BMPR2: variants seen among roughly 807,000 people sequenced by gnomAD.
BMPR2 encodes bone morphogenetic protein receptor type 2.
BMPR2 carries 29 observed loss-of-function variants against 100.8 expected under a neutral mutation model. That is an observed-to-expected ratio of 0.29 (90% CI 0.21 to 0.39). The LOEUF is 0.39. Among genes scored for constraint, BMPR2 ranks in the 10% least tolerant of loss-of-function variants. BMPR2 has a pLI of 1.00. For missense variants in BMPR2, 1,011 were observed against 1,274.5 expected, an observed-to-expected ratio of 0.79 and a Z score of 3.15; for synonymous variants, 382 against 442.3, an observed-to-expected ratio of 0.86 and a Z score of 1.71.
intron 3 of BMPR2, among the ~76,000 whole-genome samples, chr2:202,471,844 G>C (rs1692444492): frequency 6.6e-6 from 1 of 151,926 alleles, no homozygotes; most frequent in Admixed American, 6.6e-5. Flanking sequence ...CATATTCTTA[G>C]GAAATAATCT....
Position 202,559,835 on chromosome 2 carries a change from T to G in BMPR2, c.3006T>G (p.Asn1002Lys). 6.2e-7 allele frequency: 1 copy of G among 1,614,084 alleles called. No individual in the cohort carries two copies. Among genetic ancestry groups the G allele is most frequent in the South Asian group, 1.1e-5 (1 of 91,074 alleles). Residue 1002 changes from asparagine to lysine, a missense_variant, in exon 13 of 13, where the codon AAT becomes AAG. By Grantham distance (94) the Asn-to-Lys change is moderately conservative. Coordinates refer to ENST00000374580, the MANE Select transcript of BMPR2 (RefSeq NM_001204.7). ...STESLDCEVN[N>K]NGSNRAVHSK... ...AATCGCTGGACTGTGAAGTCAACAA[T>G]AATGGCAGTAACAGGGCAGTTCATT...
In BMPR2 at chr2:202,559,233, CAG is replaced by C. The variant is rs1354610137; in HGVS notation, c.2867-460_2867-459del. 1.1e-4 allele frequency among the ~76,000 whole-genome samples: 17 copies of C among 150,650 alleles called. No individual in the cohort carries two copies. The East Asian group carries it at 2.9e-3, about 26-fold the overall frequency. On this transcript the variant is annotated intron_variant, in intron 12 of 12. Coordinates refer to ENST00000374580, the MANE Select transcript of BMPR2 (RefSeq NM_001204.7). ...GTGAGAATCACTTGAGCCCGGGAAA[CAG>C]AGGTTGCAGTGAGTCAAGATCATGC...
intron 1 of BMPR2, among the ~76,000 whole-genome samples, chr2:202,412,504 A>G (rs1344479944): frequency 1.3e-5 from 2 of 152,126 alleles, no homozygotes; most frequent in Non-Finnish European, 2.9e-5. Flanking sequence ...TATTTTTAGT[A>G]GAGATGGGGT....
Position 202,514,907 on chromosome 2 carries a change from T to C in BMPR2, c.549T>C (p.Leu183=), listed in dbSNP as rs142769493. ...RMLTGDRKQG[L]HSMNMMEAAA... is the part of the protein sequence containing the mutation. ...TTATAGGAGACCGTAAACAAGGTCT[T>C]CACAGTATGAACATGATGGAGGCAG... The change falls in exon 5 of 13, where the codon CTT becomes CTC. Residue 183 remains leucine, a synonymous_variant. Transcript: ENST00000374580. The C allele has an allele frequency of 4.8e-5, 77 of 1,613,966 alleles. No individual in the cohort carries two copies. In the African/African-American group the frequency reaches 9.7e-4, roughly 20 times the overall value.
chr2:202,548,099 C>T (rs1333392186), intron 10 of BMPR2, among the ~76,000 whole-genome samples: 8 of 151,022 alleles, frequency 5.3e-5, no homozygotes, highest in Admixed American at 6.6e-5. Flanking sequence ...AAAAAAAATG[C>T]GGCAACTCTT....
At chr2:202,530,997 G>A in intron 8 of BMPR2, 43 bp downstream of exon 8, 1 of 1,609,304 alleles carries the variant, frequency 6.2e-7, no homozygotes, top group Non-Finnish European at 8.5e-7. Flanking sequence ...ACTTTGAAAT[G>A]ATAATTTAAT....
intron 1 of BMPR2, among the ~76,000 whole-genome samples, chr2:202,403,822 A>G (rs1574429932): frequency 1.3e-5 from 2 of 152,102 alleles, no homozygotes; most frequent in African/African-American, 4.8e-5. Flanking sequence ...CCTGACCAAC[A>G]TAGAGACTCC....
Position 202,540,535 on chromosome 2 carries a change from G to C in BMPR2, c.1277-1776G>C, listed in dbSNP as rs180891475. On this transcript the variant is annotated intron_variant, in intron 9 of 12. Transcript: ENST00000374580. ...ATAAGGCAGTATTACAACAAACTTG[G>C]GCGATGCTGCACAGATAATAGAATT... 6.6e-5 allele frequency among the ~76,000 whole-genome samples: 10 copies of C among 152,216 alleles called. No individual in the cohort carries two copies. The East Asian group carries it at 1.9e-3, about 29-fold the overall frequency.
chr2:202,376,895 A>G lies in BMPR2; in HGVS notation c.-580A>G. ...TGGAGGCAGGCACCTTTTTTGATCC[A>G]GTCAAGGAAGAGGATTTGTTGTTTT... On this transcript the variant is annotated 5_prime_UTR_variant, in exon 1 of 13. Transcript: ENST00000374580. 2 of 429,608 alleles carry G rather than the reference A, an allele frequency of 4.7e-6. No individual in the cohort carries two copies. Among genetic ancestry groups the G allele is most frequent in the Admixed American group, 3.9e-5 (1 of 25,512 alleles). 26.6% of individuals were successfully genotyped at this position (429,608 alleles called of 1,614,324 possible).
rs1690682487 is a variant in BMPR2 at position 202,397,775 on chromosome 2, T to C, written c.76+20225T>C. 5.3e-5 allele frequency among the ~76,000 whole-genome samples: 8 copies of C among 151,382 alleles called. No individual in the cohort carries two copies. The South Asian group carries it at 1.5e-3, about 28-fold the overall frequency. ...TCAGCCTCCCAAAGTGCTGGGATTA[T>C]AGACGTGAGCCACCATGCCTGGCCA... On this transcript the variant is annotated intron_variant, in intron 1 of 12. Coordinates refer to ENST00000374580, the MANE Select transcript of BMPR2 (RefSeq NM_001204.7).
At position 202,393,493 on chromosome 2, in the gene BMPR2, G is replaced by A. The variant is rs529477453; in HGVS notation, c.76+15943G>A. Among the ~76,000 whole-genome samples the A allele has an allele frequency of 1.8e-3, 266 of 151,990 alleles. 1 individual carries two copies. The highest frequency in any genetic ancestry group is 2.8e-3 in the Non-Finnish European group (193 of 67,962). On this transcript the variant is annotated intron_variant, in intron 1 of 12. Coordinates refer to ENST00000374580, the MANE Select transcript of BMPR2 (RefSeq NM_001204.7). ...ATATTTTTTTGTAGGGACAGGTCTC[G>A]CCATGTTGCCCAGGCTGGTGTCAAA...
chr2:202,434,007 G>C (rs1282610764), intron 1 of BMPR2, among the ~76,000 whole-genome samples: 2 of 150,770 alleles, frequency 1.3e-5, no homozygotes, highest in African/African-American at 5.0e-5. Flanking sequence ...CCTTGTTTGT[G>C]CCTTATTTGA....
intron 9 of BMPR2, among the ~76,000 whole-genome samples, chr2:202,534,475 T>G (rs1197435886): frequency 1.3e-5 from 2 of 152,060 alleles, no homozygotes; most frequent in African/African-American, 4.8e-5. Flanking sequence ...ACGAGCATGC[T>G]GCCTTCAAGC....
Position 202,464,858 on chromosome 2 carries a change from A to G in BMPR2, c.126A>G (p.Gln42=). Residue 42 remains glutamine, a synonymous_variant, in exon 2 of 13, where the codon CAA becomes CAG. Transcript: ENST00000374580. ...RLCAFKDPYQ[Q]DLGIGESRIS... ...GTGCGTTTAAAGATCCGTATCAGCA[A>G]GACCTTGGGATAGGTGAGAGTAGAA... 1 of 1,614,172 alleles carries G rather than the reference A, an allele frequency of 6.2e-7. No individual in the cohort carries two copies. The highest frequency in any genetic ancestry group is 8.5e-7 in the Non-Finnish European group (1 of 1,180,020).
intron 12 of BMPR2, among the ~76,000 whole-genome samples, chr2:202,558,935 AATT>A (rs1240960222): frequency 6.6e-6 from 1 of 151,892 alleles, no homozygotes; most frequent in Non-Finnish European, 1.5e-5. Context: ...AGGAAGAGGA[AATT>A]ATTAGAATGT....
chr2:202,460,817 C>CTT (rs35366212), intron 1 of BMPR2, among the ~76,000 whole-genome samples: 72 of 132,030 alleles, frequency 5.5e-4, no homozygotes, highest in Non-Finnish European at 8.1e-4. Context: ...AAAGACCAAA[C>CTT]TTTTTTTTTT....
chr2:202,466,834 G>C lies in BMPR2; in HGVS notation c.248-685G>C, dbSNP rs191205739. On this transcript the variant is annotated intron_variant, in intron 2 of 12. Coordinates refer to ENST00000374580, the MANE Select transcript of BMPR2 (RefSeq NM_001204.7). ...GCAGGTCTCAAATTCCTGGGCTCAA[G>C]TGATCCTCCTGCTTTGGCTTCCCAA... 3.1e-4 allele frequency among the ~76,000 whole-genome samples: 45 copies of C among 145,432 alleles called. No individual in the cohort carries two copies. In the Middle Eastern group the frequency reaches 0.013, roughly 43 times the overall value.
intron 9 of BMPR2, among the ~76,000 whole-genome samples, chr2:202,536,639 G>A (rs891255688): frequency 2.6e-5 from 4 of 151,990 alleles, no homozygotes; most frequent in African/African-American, 4.8e-5. Flanking sequence ...TTAGGAGGCC[G>A]AGGCAAGTGT....
chr2:202,499,816 G>A (rs1034792994), intron 3 of BMPR2, among the ~76,000 whole-genome samples: 3 of 152,272 alleles, frequency 2.0e-5, no homozygotes, highest in African/African-American at 7.2e-5. Flanking sequence ...AAGGAAAAGC[G>A]AGATCAGAGA....
Sources: gnomAD v4.1 joint callset for allele counts (sites outside exome capture counted in the v4.1 genomes callset) on GRCh38, gnomAD v4.1.1 for gene constraint, MANE v1.5 for transcripts, NCBI Gene and HGNC (gene_info 2026-07-23, HGNC 2026-07-21) for gene names.